Variants in FTO observed in about 807,000 individuals in gnomAD.
FTO encodes alpha-ketoglutarate-dependent dioxygenase FTO.
FTO carries 47 observed loss-of-function variants against 63.9 expected under a neutral mutation model. The observed-to-expected ratio is 0.74, with a 90% CI of 0.58 to 0.94. The LOEUF (loss-of-function observed/expected upper bound fraction) is 0.94. Ranked by LOEUF, FTO falls within the 40% of genes least tolerant of loss-of-function variation. FTO has a pLI of 0.00. For missense variants in FTO, 562 were observed against 618.1 expected (o/e 0.91, Z 0.96); for synonymous variants, 207 against 224.4 (o/e 0.92, Z 0.69).
At chr16:53,793,197 A>G (rs2151693308) in intron 1 of FTO, among the ~76,000 whole-genome samples, 1 of 152,324 alleles carries the variant, frequency 6.6e-6, no homozygotes, top group East Asian at 1.9e-4. Flanking sequence ...TGTCTTTGAT[A>G]TTAATATATT....
chr16:53,735,116 CAATT>C (rs2076361387), intron 1 of FTO, among the ~76,000 whole-genome samples: 1 of 152,200 alleles, frequency 6.6e-6, no homozygotes, highest in South Asian at 2.1e-4. Context: ...CTGCCATACT[CAATT>C]AATGTGTGAC....
At chr16:54,059,578 C>T (rs2085520631) in intron 8 of FTO, among the ~76,000 whole-genome samples, 1 of 152,148 alleles carries the variant, frequency 6.6e-6, no homozygotes, top group African/African-American at 2.4e-5. Flanking sequence ...TGTAAAAGCT[C>T]GGTTGTAGGC....
chr16:53,933,896 A>G, intron 7 of FTO, 89 bp from the exon 8 acceptor site: 1 of 1,310,850 alleles, frequency 7.6e-7, no homozygotes, highest in Non-Finnish European at 1.1e-6. Flanking sequence ...TAAAAAAGCC[A>G]TTGATTTACT....
chr16:53,823,496 TC>T (rs2078922303), intron 2 of FTO, among the ~76,000 whole-genome samples: 3 of 75,132 alleles, frequency 4.0e-5, no homozygotes, highest in Non-Finnish European at 5.2e-5. Flanking sequence ...CCAATTCCCC[TC>T]CCCCCGCCCA....
chr16:54,089,843 C>T (rs2086338376), intron 8 of FTO, among the ~76,000 whole-genome samples: 1 of 150,694 alleles, frequency 6.6e-6, no homozygotes, highest in Non-Finnish European at 1.5e-5. Context: ...GATTACTTCA[C>T]ACCTACTGGG....
At chr16:53,889,016 T>G in intron 7 of FTO, 65 bp downstream of exon 7, 1 of 1,554,658 alleles carries the variant, frequency 6.4e-7, no homozygotes, top group South Asian at 1.1e-5. Context: ...CTCCACTGCC[T>G]CATTTGCTTA....
intron 7 of FTO, among the ~76,000 whole-genome samples, chr16:53,916,455 A>G (rs564409086): frequency 2.6e-5 from 4 of 152,240 alleles, no homozygotes; most frequent in Non-Finnish European, 5.9e-5. Context: ...TGTAAGAAGT[A>G]TAGAGTTGGA....
intron 8 of FTO, among the ~76,000 whole-genome samples, chr16:53,975,386 A>T (rs1410056750): frequency 6.6e-6 from 1 of 151,936 alleles, no homozygotes; most frequent in Non-Finnish European, 1.5e-5. Context: ...ATATTTTTTG[A>T]CTTTCCAAAT....
chr16:54,023,690 T>G (rs1056895948), intron 8 of FTO, among the ~76,000 whole-genome samples: 9 of 152,238 alleles, frequency 5.9e-5, no homozygotes, highest in South Asian at 2.1e-4. Context: ...GCTGGGGCAC[T>G]GGGAACTTCG....
At chr16:53,941,032 GC>G (rs1278766424) in intron 8 of FTO, among the ~76,000 whole-genome samples, 3 of 152,142 alleles carry the variant, frequency 2.0e-5, no homozygotes, top group Non-Finnish European at 2.9e-5. Flanking sequence ...TTTGATCGGG[GC>G]TCAACAAGTA....
intron 7 of FTO, among the ~76,000 whole-genome samples, chr16:53,913,972 C>T (rs977251478): frequency 6.2e-5 from 9 of 145,804 alleles, no homozygotes; most frequent in African/African-American, 2.1e-4. Context: ...GAGTGAGGCT[C>T]TGTCTCAAAA....
chr16:53,883,376 C>A (rs1020206213), intron 6 of FTO, among the ~76,000 whole-genome samples: 19 of 152,240 alleles, frequency 1.2e-4, no homozygotes, highest in Admixed American at 1.0e-3. Flanking sequence ...AATCCCAGCA[C>A]TTTGGGAGGC....
chr16:53,985,371 A>G (rs2083641629), intron 8 of FTO, among the ~76,000 whole-genome samples: 1 of 152,188 alleles, frequency 6.6e-6, no homozygotes, highest in African/African-American at 2.4e-5. Context: ...TTCTCATCTC[A>G]GATACCCGCA....
At chr16:53,725,813 C>T (rs1054340696) in intron 1 of FTO, among the ~76,000 whole-genome samples, 4 of 152,076 alleles carry the variant, frequency 2.6e-5, no homozygotes, top group South Asian at 2.1e-4. Flanking sequence ...TATATAAAAT[C>T]ATTTTCAAGT....
chr16:54,038,872 G>A (rs1429601173), intron 8 of FTO, among the ~76,000 whole-genome samples: 1 of 152,118 alleles, frequency 6.6e-6, no homozygotes, highest in South Asian at 2.1e-4. Flanking sequence ...TCTTTTCTTT[G>A]TAAACTATCC....
At chr16:53,956,880 G>C (rs773035680) in intron 8 of FTO, 15 of 152,036 alleles carry the variant, frequency 9.9e-5, no homozygotes, top group Non-Finnish European at 1.9e-4. Flanking sequence ...GGTCAGGCTG[G>C]TCTCGAACTC....
At chr16:53,710,802 A>G (rs1188231203) in intron 1 of FTO, among the ~76,000 whole-genome samples, 1 of 152,176 alleles carries the variant, frequency 6.6e-6, no homozygotes, top group Admixed American at 6.5e-5. Flanking sequence ...GCATTTTCCT[A>G]ACTAGAATTG....
At chr16:53,912,004 C>T (rs902809839) in intron 7 of FTO, among the ~76,000 whole-genome samples, 5 of 152,180 alleles carry the variant, frequency 3.3e-5, no homozygotes, top group African/African-American at 1.2e-4. Flanking sequence ...AATATCGTAA[C>T]TACAGGATAG....
At chr16:53,831,169 G>T (rs2079132692) in intron 3 of FTO, among the ~76,000 whole-genome samples, 1 of 152,158 alleles carries the variant, frequency 6.6e-6, no homozygotes, top group Non-Finnish European at 1.5e-5. Context: ...TGAAAAGCTA[G>T]TTTATAATTA....
Sources: allele counts gnomAD v4.1 joint callset (sites outside exome capture counted in the v4.1 genomes callset), GRCh38; gene constraint gnomAD v4.1.1; transcripts MANE v1.5; gene names NCBI Gene and HGNC (gene_info 2026-07-23, HGNC 2026-07-21).